Variants in ZNF77 observed in about 807,000 individuals in gnomAD.
The protein encoded by ZNF77 is ZNFpT1.
A neutral mutation model predicts 13.5 loss-of-function variants in ZNF77; 15 were observed. The observed-to-expected ratio is 1.11, with a 90% CI of 0.74 to 1.71. The LOEUF is 1.71. ZNF77 is among the 40% of genes most tolerant of loss of function. The pLI, the probability that ZNF77 is intolerant of heterozygous loss-of-function variation, is 0.00. For synonymous variants in ZNF77, 282 were observed against 250.0 expected, an observed-to-expected ratio of 1.13 and a Z score of -1.21; for missense variants, 717 against 676.4, an observed-to-expected ratio of 1.06 and a Z score of -0.67.
intron 2 of ZNF77, among the ~76,000 whole-genome samples, chr19:2,938,806 A>C (rs899778096): frequency 2.6e-5 from 4 of 152,060 alleles, no homozygotes; most frequent in African/African-American, 9.7e-5. Flanking sequence ...GCTACAAAAA[A>C]TTAGCCAGGC....
intron 2 of ZNF77, among the ~76,000 whole-genome samples, chr19:2,938,187 C>T: frequency 6.6e-6 from 1 of 152,172 alleles, no homozygotes; most frequent in East Asian, 1.9e-4. Context: ...TCCACTATGC[C>T]CGGCTGCCCT....
intron 3 of ZNF77, among the ~76,000 whole-genome samples, chr19:2,935,775 G>A (rs1348141292): frequency 6.6e-6 from 1 of 152,180 alleles, no homozygotes; most frequent in East Asian, 1.9e-4. Flanking sequence ...CCAGCACTTT[G>A]GGAGGTTGAG....
chr19:2,936,296 A>C (rs1232142446), intron 3 of ZNF77, among the ~76,000 whole-genome samples: 4 of 151,940 alleles, frequency 2.6e-5, no homozygotes. Context: ...TACAGGCATG[A>C]GCCACCACGC....
chr19:2,942,656 C>A (rs1363855884), intron 1 of ZNF77, among the ~76,000 whole-genome samples: 1 of 152,054 alleles, frequency 6.6e-6, no homozygotes, highest in Non-Finnish European at 1.5e-5. Context: ...CTCCTGGAAA[C>A]CAGCAAAGGT....
chr19:2,942,479 C>G (rs2144970776), intron 1 of ZNF77, among the ~76,000 whole-genome samples: 1 of 151,168 alleles, frequency 6.6e-6, no homozygotes, highest in East Asian at 2.0e-4. Flanking sequence ...CCCCCTCAGC[C>G]TCTCAAGTGG....
chr19:2,944,045 C>A (rs2088474781), intron 1 of ZNF77, among the ~76,000 whole-genome samples: 2 of 151,782 alleles, frequency 1.3e-5, no homozygotes, highest in African/African-American at 4.8e-5. Context: ...CAGGACAGGG[C>A]ACCACCTCCT....
chr19:2,938,249 T>G (rs1398464971), intron 2 of ZNF77, among the ~76,000 whole-genome samples: 1 of 152,190 alleles, frequency 6.6e-6, no homozygotes, highest in Non-Finnish European at 1.5e-5. Context: ...GGAAGGATTG[T>G]GAAGGGCAAC....
rs755271178 is a variant in ZNF77, at chr19:2,934,265, TG to T, written c.861del (p.Arg288GlufsTer28). 6.2e-6 allele frequency: 10 copies of T among 1,613,516 alleles called. No individual in the cohort carries two copies. In the African/African-American group the frequency reaches 1.2e-4, roughly 19 times the overall value. On this transcript the variant is annotated frameshift_variant, in exon 4 of 4. Transcript: ENST00000314531. LOFTEE classifies it low-confidence loss of function (END_TRUNC). ...TACGGTTTCTCTCCAGTGTGTGTTCTGACATGTTCTCGAAAGTATGAGGGAC... is the reference window on the plus strand; with the variant it reads ...TACGGTTTCTCTCCAGTGTGTGTTCTACATGTTCTCGAAAGTATGAGGGAC... Reference protein sequence around the residue: ...FSCPSYFREHVRTHTGEKPYE... With the variant: ...FSCPSYFREHXRTHTGEKPYE...
chr19:2,944,781 G>C (rs1385760039), intron 1 of ZNF77, 57 bp downstream of exon 1: 2 of 1,487,964 alleles, frequency 1.3e-6, no homozygotes, highest in African/African-American at 2.9e-5. Context: ...GGCGGAAGCC[G>C]GTTCCTGCCG....
rs771361596 is a variant in ZNF77, at chr19:2,936,705, C to T, written c.131-1G>A. ...CTGGTTCTAACATAAATGTAACAAT[C>T]TGCAACAATCAATTACACAATTTCT... On this transcript the variant is annotated splice_acceptor_variant, in intron 2 of 3. Coordinates refer to ENST00000314531, the MANE Select transcript of ZNF77 (RefSeq NM_021217.3). LOFTEE classifies it high-confidence loss of function. The T allele has an allele frequency of 1.9e-6, 3 of 1,598,862 alleles. No individual in the cohort carries two copies. The highest frequency in any genetic ancestry group is 1.7e-6 in the Non-Finnish European group (2 of 1,175,950).
chr19:2,940,082 G>A (rs778085613), intron 1 of ZNF77, among the ~76,000 whole-genome samples: 7 of 152,008 alleles, frequency 4.6e-5, no homozygotes, highest in Non-Finnish European at 8.8e-5. Context: ...ACTTTGGGAG[G>A]CCAAGGTGAG....
At chr19:2,938,897 A>G (rs1158927283) in intron 2 of ZNF77, among the ~76,000 whole-genome samples, 2 of 151,968 alleles carry the variant, frequency 1.3e-5, no homozygotes, top group African/African-American at 2.4e-5. Context: ...CGGAGCTTGC[A>G]GTGAGCCGAG....
rs182295943 is a variant in ZNF77 at position 2,933,702 on chromosome 19, G to A, written c.1425C>T (p.His475=). 2.9e-5 allele frequency: 46 copies of A among 1,611,408 alleles called. 1 individual carries two copies. The highest frequency in any genetic ancestry group is 1.3e-4 in the South Asian group (12 of 90,918). Reference sequence around the variant, plus strand: ...TCACATGCTTTTGAAAGTACTGAGCGTGGCTGAAGGCTTTCCCACATTGAT... The same window carrying A: ...TCACATGCTTTTGAAAGTACTGAGCATGGCTGAAGGCTTTCCCACATTGAT... ...ECNQCGKAFS[H]AQYFQKHVRS... Residue 475 remains histidine, a synonymous_variant, in exon 4 of 4, where the codon CAC becomes CAT. Coordinates refer to ENST00000314531, the MANE Select transcript of ZNF77 (RefSeq NM_021217.3).
intron 1 of ZNF77, among the ~76,000 whole-genome samples, chr19:2,941,562 G>A (rs1257763925): frequency 1.3e-5 from 2 of 152,128 alleles, no homozygotes; most frequent in African/African-American, 2.4e-5. Context: ...GTGGATTCTA[G>A]AAGATCTAGA....
intron 3 of ZNF77, 71 bp downstream of exon 3, chr19:2,936,453 C>CTT: frequency 6.7e-7 from 1 of 1,487,176 alleles, no homozygotes; most frequent in South Asian, 1.4e-5. Context: ...CCAGCCGATA[C>CTT]TTTTCTTTGA....
intron 3 of ZNF77, among the ~76,000 whole-genome samples, chr19:2,935,688 T>C (rs903198507): frequency 2.6e-5 from 4 of 152,100 alleles, no homozygotes; most frequent in African/African-American, 9.7e-5. Context: ...TTCAGACACG[T>C]GACATTGACA....
At chr19:2,941,659 A>T (rs1258377066) in intron 1 of ZNF77, among the ~76,000 whole-genome samples, 1 of 152,138 alleles carries the variant, frequency 6.6e-6, no homozygotes, top group African/African-American at 2.4e-5. Context: ...GTATCAGTTA[A>T]TGATTATCCT....
Position 2,936,805 on chromosome 19 carries a change from C to T in ZNF77, c.131-101G>A, listed in dbSNP as rs180724389. The T allele has an allele frequency of 6.4e-6, 7 of 1,091,484 alleles. No individual in the cohort carries two copies. The Admixed American group carries it at 8.6e-5, about 13-fold the overall frequency. The allele number at this position is 1,091,484 out of a possible 1,614,324, so 67.6% of individuals were successfully genotyped here. ...TTCATATAGTAATCCAAAAATGTACCGTTTATAAGGAAGAATAGACATGCT... is the reference window on the plus strand; with the variant it reads ...TTCATATAGTAATCCAAAAATGTACTGTTTATAAGGAAGAATAGACATGCT... On this transcript the variant is annotated intron_variant, in intron 2 of 3. Coordinates refer to ENST00000314531, the MANE Select transcript of ZNF77 (RefSeq NM_021217.3).
At chr19:2,944,077 T>A (rs1007889668) in intron 1 of ZNF77, among the ~76,000 whole-genome samples, 7 of 151,814 alleles carry the variant, frequency 4.6e-5, no homozygotes, top group Non-Finnish European at 8.8e-5. Flanking sequence ...CTTCCCAAAC[T>A]GACCACCAAG....
Sources: allele counts gnomAD v4.1 joint callset (sites outside exome capture counted in the v4.1 genomes callset), GRCh38; gene constraint gnomAD v4.1.1; transcripts MANE v1.5; gene names NCBI Gene and HGNC (gene_info 2026-07-23, HGNC 2026-07-21).